XKR4: variants seen among roughly 807,000 people sequenced by gnomAD.
XKR4 encodes the protein XK related 4, also known as XK-related protein 4.
Under a neutral mutation model 53.9 loss-of-function variants are expected in XKR4, and 12 were observed. The observed-to-expected ratio is 0.22, with a 90% CI of 0.14 to 0.36. XKR4 has a LOEUF of 0.36. XKR4 is among the 10% of genes least tolerant of loss of function. The pLI is 1.00. For synonymous variants in XKR4, 354 were observed against 362.4 expected, an observed-to-expected ratio of 0.98 and a Z score of 0.26; for missense variants, 799 against 859.5, an observed-to-expected ratio of 0.93 and a Z score of 0.88.
chr8:55,433,566 C>G (rs1805131699), intron 2 of XKR4, among the ~76,000 whole-genome samples: 1 of 152,064 alleles, frequency 6.6e-6, no homozygotes, highest in South Asian at 2.1e-4. Context: ...CTATTTCACC[C>G]AAGAAAAAAG....
At chr8:55,110,891 A>G (rs377539271) in intron 1 of XKR4, among the ~76,000 whole-genome samples, 2 of 152,150 alleles carry the variant, frequency 1.3e-5, no homozygotes, top group East Asian at 3.8e-4. Context: ...ATCATAAAAC[A>G]TCAATTCTAC....
At chr8:55,242,401 G>GTCTC (rs1330948407) in intron 1 of XKR4, among the ~76,000 whole-genome samples, 1 of 152,152 alleles carries the variant, frequency 6.6e-6, no homozygotes, top group Non-Finnish European at 1.5e-5. Flanking sequence ...ATCTTCCTGA[G>GTCTC]TCTCTGAGGG....
At chr8:55,178,956 G>A (rs560292644) in intron 1 of XKR4, among the ~76,000 whole-genome samples, 5 of 152,106 alleles carry the variant, frequency 3.3e-5, no homozygotes, top group Non-Finnish European at 7.3e-5. Context: ...TCTTGTTGGT[G>A]GGGTATGGCA....
intron 2 of XKR4, among the ~76,000 whole-genome samples, chr8:55,439,489 A>G (rs1486580015): frequency 6.6e-6 from 1 of 152,262 alleles, no homozygotes; most frequent in Admixed American, 6.5e-5. Context: ...TATTTTAAAT[A>G]AAGAAATGAA....
At chr8:55,505,863 A>G (rs1806518864) in intron 2 of XKR4, among the ~76,000 whole-genome samples, 1 of 152,260 alleles carries the variant, frequency 6.6e-6, no homozygotes, top group Admixed American at 6.5e-5. Context: ...AAACTAAAAC[A>G]GATACTAAGA....
At chr8:55,463,292 A>C (rs1454942019) in intron 2 of XKR4, among the ~76,000 whole-genome samples, 1 of 152,212 alleles carries the variant, frequency 6.6e-6, no homozygotes, top group Non-Finnish European at 1.5e-5. Context: ...ACCATAGTGC[A>C]ATCAAACTGG....
At chr8:55,480,197 TC>T (rs1330836843) in intron 2 of XKR4, among the ~76,000 whole-genome samples, 1 of 152,198 alleles carries the variant, frequency 6.6e-6, no homozygotes, top group African/African-American at 2.4e-5. Flanking sequence ...AAAAAGCTTA[TC>T]CACCACAATC....
intron 1 of XKR4, among the ~76,000 whole-genome samples, chr8:55,162,307 C>T (rs942508656): frequency 6.6e-6 from 1 of 152,168 alleles, no homozygotes; most frequent in African/African-American, 2.4e-5. Context: ...CAGCACTGTC[C>T]AGCACTGTGC....
intron 2 of XKR4, among the ~76,000 whole-genome samples, chr8:55,428,141 A>AT (rs1163299746): frequency 6.6e-6 from 1 of 152,136 alleles, no homozygotes; most frequent in Non-Finnish European, 1.5e-5. Flanking sequence ...TGCATATCCT[A>AT]TTTTTTTCAC....
At chr8:55,394,456 C>T (rs1196977950) in intron 2 of XKR4, among the ~76,000 whole-genome samples, 20 of 152,174 alleles carry the variant, frequency 1.3e-4, no homozygotes, top group Admixed American at 1.3e-3. Context: ...TAAAACTAAG[C>T]ATTATGAAAA....
intron 2 of XKR4, chr8:55,450,474 C>T: frequency 1.6e-6 from 1 of 607,832 alleles, no homozygotes; most frequent in Non-Finnish European, 3.1e-6. Flanking sequence ...CTGCGCTGCC[C>T]CTTCTCCTCG....
chr8:55,219,387 C>A (rs893556252), intron 1 of XKR4, among the ~76,000 whole-genome samples: 1 of 152,142 alleles, frequency 6.6e-6, no homozygotes, highest in Non-Finnish European at 1.5e-5. Flanking sequence ...TTGGATTACA[C>A]AGCTCTTGTG....
intron 1 of XKR4, among the ~76,000 whole-genome samples, chr8:55,115,403 C>CACAA (rs1160406197): frequency 6.6e-6 from 1 of 151,442 alleles, no homozygotes; most frequent in East Asian, 1.9e-4. Context: ...CACACACACA[C>CACAA]AAATGAATCT....
chr8:55,280,901 T>TA (rs1294288575), intron 1 of XKR4, among the ~76,000 whole-genome samples: 2 of 152,222 alleles, frequency 1.3e-5, no homozygotes, highest in African/African-American at 4.8e-5. Context: ...CACTTCCTGT[T>TA]AAACAACAAA....
At chr8:55,394,610 A>T (rs1406428070) in intron 2 of XKR4, among the ~76,000 whole-genome samples, 2 of 152,194 alleles carry the variant, frequency 1.3e-5, no homozygotes, top group Admixed American at 6.5e-5. Context: ...AATATCTTTC[A>T]CTTCCTCTTT....
Position 55,523,364 on chromosome 8 carries a change from A to G in XKR4, c.1090A>G (p.Lys364Glu), listed in dbSNP as rs373647980. ...QKALRDSRDD[K>E]KPISYMAVII... ...GGCCCTCCGGGACTCTCGAGATGAC[A>G]AGAAGCCCATCAGCTACATGGCCGT... Residue 364 changes from lysine (K) to glutamate (E), a missense_variant, in exon 3 of 3, where the codon AAG becomes GAG. Coordinates refer to ENST00000327381, the MANE Select transcript of XKR4 (RefSeq NM_052898.2). The G allele has an allele frequency of 1.2e-6, 2 of 1,614,156 alleles. No homozygotes were observed. The highest frequency in any genetic ancestry group is 1.7e-6 in the Non-Finnish European group (2 of 1,180,016).
chr8:55,235,523 G>C (rs551887330), intron 1 of XKR4, among the ~76,000 whole-genome samples: 4 of 150,846 alleles, frequency 2.7e-5, no homozygotes, highest in Admixed American at 6.6e-5. Context: ...TTTAACTATT[G>C]TATTAGTAAG....
intron 2 of XKR4, among the ~76,000 whole-genome samples, chr8:55,408,569 T>A (rs758646681): frequency 6.6e-6 from 1 of 152,070 alleles, no homozygotes; most frequent in Non-Finnish European, 1.5e-5. Context: ...GTCCAGAGCG[T>A]CAGGCAGAAG....
intron 1 of XKR4, among the ~76,000 whole-genome samples, chr8:55,341,226 T>G (rs557246508): frequency 2.8e-4 from 43 of 152,278 alleles, no homozygotes; most frequent in African/African-American, 9.9e-4. Flanking sequence ...GTCACCTTTG[T>G]GGGCAGCTGG....
Sources: allele counts gnomAD v4.1 joint callset (sites outside exome capture counted in the v4.1 genomes callset), GRCh38; gene constraint gnomAD v4.1.1; transcripts MANE v1.5; gene names NCBI Gene and HGNC (gene_info 2026-07-23, HGNC 2026-07-21).